Variants in HACD2 observed in about 807,000 individuals in gnomAD.
The protein encoded by HACD2 is very-long-chain (3R)-3-hydroxyacyl-CoA dehydratase 2.
A neutral mutation model predicts 31.0 loss-of-function variants in HACD2; 15 were observed. The observed-to-expected ratio is 0.48, with a 90% CI of 0.32 to 0.75. The LOEUF is 0.75. HACD2 is among the 30% of genes least tolerant of loss of function. The pLI is 0.03. For synonymous variants in HACD2, 115 were observed against 122.2 expected (o/e 0.94, Z 0.39); for missense variants, 283 against 313.0 (o/e 0.90, Z 0.72).
At position 123,576,726 on chromosome 3, in the gene HACD2, C is replaced by T. The variant is rs148403019; in HGVS notation, c.273+5486G>A. On this transcript the variant is annotated intron_variant, in intron 2 of 6. Transcript: ENST00000383657. ...ACGGTTATGTCCTCAAACCAGTTCA[C>T]AAAAGCAGTCTGAAGCACAATACCT... is the stretch of plus-strand genomic sequence containing the variant. Among the ~76,000 whole-genome samples, 69 of 152,282 alleles carry T rather than the reference C, an allele frequency of 4.5e-4. No individual in the cohort carries two copies. In the East Asian group the frequency reaches 9.5e-3, roughly 21 times the overall value.
chr3:123,584,015 A>T (rs912336177), intron 1 of HACD2, among the ~76,000 whole-genome samples: 1 of 152,248 alleles, frequency 6.6e-6, no homozygotes, highest in Non-Finnish European at 1.5e-5. Context: ...TTAAAAATAT[A>T]TAACTGTCTG....
At chr3:123,567,562 T>A (rs1280393275) in intron 3 of HACD2, among the ~76,000 whole-genome samples, 200 bp downstream of exon 3, 3 of 152,214 alleles carry the variant, frequency 2.0e-5, no homozygotes, top group African/African-American at 7.2e-5. Flanking sequence ...TGAACTTTAA[T>A]AAAGTGTTCA....
chr3:123,567,162 C>A (rs2056801064), intron 3 of HACD2, among the ~76,000 whole-genome samples: 1 of 152,156 alleles, frequency 6.6e-6, no homozygotes, highest in African/African-American at 2.4e-5. Flanking sequence ...GGATTTTATT[C>A]AATTAGAAGG....
chr3:123,513,372 T>A (rs1444929535), intron 4 of HACD2, among the ~76,000 whole-genome samples: 1 of 151,938 alleles, frequency 6.6e-6, no homozygotes, highest in Non-Finnish European at 1.5e-5. Context: ...TACTAATTAA[T>A]AAAAAGGAGG....
At chr3:123,546,939 G>A (rs1019140295) in intron 3 of HACD2, among the ~76,000 whole-genome samples, 16 of 152,078 alleles carry the variant, frequency 1.1e-4, no homozygotes, top group African/African-American at 3.6e-4. Flanking sequence ...ACAATCTTCT[G>A]AATCATCTAT....
intron 3 of HACD2, among the ~76,000 whole-genome samples, chr3:123,552,171 T>C (rs1337105493): frequency 6.6e-6 from 1 of 152,060 alleles, no homozygotes; most frequent in African/African-American, 2.4e-5. Flanking sequence ...ATAAAAACAC[T>C]GAAAAACATC....
chr3:123,526,324 G>A (rs1208736132), intron 4 of HACD2, among the ~76,000 whole-genome samples: 1 of 152,182 alleles, frequency 6.6e-6, no homozygotes, highest in Non-Finnish European at 1.5e-5. Context: ...GGAGTTCTGT[G>A]CAGAGAAAAA....
Position 123,570,945 on chromosome 3 carries a change from T to TAC in HACD2, c.274-3167_274-3166dup, listed in dbSNP as rs931351861. On this transcript the variant is annotated intron_variant, in intron 2 of 6. Transcript: ENST00000383657. ...ACACACACACACACACACACACACA[T>TAC]ACACACACACACAGGCAATAATATG... is the stretch of plus-strand genomic sequence containing the variant. Among the ~76,000 whole-genome samples the TAC allele has an allele frequency of 9.2e-3, 911 of 98,878 alleles. 8 individuals are homozygous for TAC. The highest frequency in any genetic ancestry group is 0.057 in the African/African-American group (842 of 14,870). 64.9% of individuals were successfully genotyped at this position (98,878 alleles called of 152,430 possible).
chr3:123,500,258 T>C (rs949477926), intron 6 of HACD2, among the ~76,000 whole-genome samples: 5 of 152,226 alleles, frequency 3.3e-5, no homozygotes, highest in Admixed American at 2.0e-4. Context: ...ATACTTAACC[T>C]AGCCTGGTAT....
At chr3:123,522,348 AAGAG>A (rs940313046) in intron 4 of HACD2, among the ~76,000 whole-genome samples, 22 of 149,996 alleles carry the variant, frequency 1.5e-4, no homozygotes, top group Admixed American at 1.3e-3. Context: ...AAAAAAAAAA[AAGAG>A]AGAGAGAGAG....
At chr3:123,508,862 G>A (rs75530665) in intron 4 of HACD2, among the ~76,000 whole-genome samples, 3,734 of 152,292 alleles carry the variant, frequency 0.025, 64 homozygotes, top group Middle Eastern at 0.088. Context: ...ATGGCAGCAT[G>A]ATTGGTTTCT....
chr3:123,513,065 A>C (rs1414156966), intron 4 of HACD2, among the ~76,000 whole-genome samples: 1 of 152,176 alleles, frequency 6.6e-6, no homozygotes, highest in African/African-American at 2.4e-5. Context: ...GCCAGATCAT[A>C]AGGAAATACT....
At chr3:123,543,188 T>C (rs1576765560) in intron 3 of HACD2, among the ~76,000 whole-genome samples, 1 of 152,198 alleles carries the variant, frequency 6.6e-6, no homozygotes, top group South Asian at 2.1e-4. Context: ...ATGGAAACAG[T>C]TATTTTCTTT....
At chr3:123,576,970 A>C (rs202074597) in intron 2 of HACD2, among the ~76,000 whole-genome samples, 22 of 152,336 alleles carry the variant, frequency 1.4e-4, no homozygotes, top group East Asian at 5.8e-4. Flanking sequence ...AGGCTGAGAA[A>C]GTGCTGGGGT....
At chr3:123,567,680 G>A in intron 3 of HACD2, 82 bp downstream of exon 3, 1 of 881,678 alleles carries the variant, frequency 1.1e-6, no homozygotes, top group Non-Finnish European at 1.6e-6. Flanking sequence ...ATATTTAACA[G>A]AAATCAATAA....
At chr3:123,567,802 AAG>A (rs1158870241) in intron 2 of HACD2, 22 bp from the exon 3 acceptor site, 1 of 1,465,600 alleles carries the variant, frequency 6.8e-7, no homozygotes, top group African/African-American at 1.4e-5. Context: ...AAGGGGAAAA[AAG>A]AGGAGAATTA....
intron 3 of HACD2, among the ~76,000 whole-genome samples, chr3:123,544,494 C>T (rs1047669564): frequency 3.9e-5 from 6 of 152,022 alleles, no homozygotes; most frequent in African/African-American, 1.5e-4. Context: ...AAATAAATGG[C>T]CTCAAGAAGG....
intron 4 of HACD2, among the ~76,000 whole-genome samples, chr3:123,517,843 A>C (rs2056165102): frequency 6.6e-6 from 1 of 152,236 alleles, no homozygotes. Flanking sequence ...GAAATATCAA[A>C]ATGGTGACCT....
chr3:123,523,195 G>A (rs866536282), intron 4 of HACD2, among the ~76,000 whole-genome samples: 8 of 152,194 alleles, frequency 5.3e-5, no homozygotes, highest in South Asian at 2.1e-4. Context: ...AAACAGGTCC[G>A]GAAGCAGGGG....
Sources: allele counts gnomAD v4.1 joint callset (sites outside exome capture counted in the v4.1 genomes callset), GRCh38; gene constraint gnomAD v4.1.1; transcripts MANE v1.5; gene names NCBI Gene and HGNC (gene_info 2026-07-23, HGNC 2026-07-21).